The following ZBBX variants were observed in gnomAD, a reference collection of about 807,000 sequenced individuals.
ZBBX encodes zinc finger B-box domain-containing protein 1.
A neutral mutation model predicts 108.5 loss-of-function variants in ZBBX; 101 were observed. The ratio of observed to expected loss-of-function variants is 0.93; its 90% CI spans 0.79 to 1.10. The LOEUF (loss-of-function observed/expected upper bound fraction) is 1.10, where lower values mean the gene tolerates loss of function less well. Among genes scored for constraint, ZBBX ranks in the 50% least tolerant of loss-of-function variants. The probability of loss-of-function intolerance (pLI) is 0.00; values close to 1 mark genes in which losing one functional copy is unlikely to be tolerated. For synonymous variants in ZBBX, 356 were observed against 323.4 expected (o/e 1.10, Z -1.08); for missense variants, 1,009 against 941.4 (o/e 1.07, Z -0.94).
intron 20 of ZBBX, among the ~76,000 whole-genome samples, chr3:167,274,981 G>A (rs907760582): frequency 3.3e-5 from 5 of 152,108 alleles, no homozygotes; most frequent in South Asian, 4.1e-4. Context: ...ATTTATATTC[G>A]AGTGCTGTTT....
chr3:167,349,944 C>A (rs575703921), intron 9 of ZBBX, among the ~76,000 whole-genome samples: 73 of 151,838 alleles, frequency 4.8e-4, no homozygotes, highest in Non-Finnish European at 9.4e-4. Context: ...TAAGGATAAA[C>A]AAAAGGTCCT....
intron 4 of ZBBX, among the ~76,000 whole-genome samples, chr3:167,371,937 G>T (rs1036472689): frequency 1.3e-5 from 2 of 152,148 alleles, no homozygotes; most frequent in East Asian, 3.9e-4. Flanking sequence ...GTCTGGGCTG[G>T]GTGCACTGGC....
At chr3:167,320,034 GTGTGTA>G (rs1177858280) in intron 12 of ZBBX, among the ~76,000 whole-genome samples, 1 of 151,772 alleles carries the variant, frequency 6.6e-6, no homozygotes, top group African/African-American at 2.4e-5. Context: ...ACGTGTGTGT[GTGTGTA>G]CTTCCCAGTT....
At chr3:167,190,689 A>G in the ZBBX span, among the ~76,000 whole-genome samples, 1 of 152,070 alleles carries the variant, frequency 6.6e-6, no homozygotes, top group Non-Finnish European at 1.5e-5. Context: ...CCATGTTTTT[A>G]TCACTAGAGA....
chr3:167,381,295 G>C (rs1360009324), upstream of ZBBX: 1 of 152,176 alleles, frequency 6.6e-6, no homozygotes, highest in Non-Finnish European at 1.5e-5. Flanking sequence ...GCAGATTCAA[G>C]ATTGAGTGCC....
At chr3:167,342,893 A>G (rs1358461126) in intron 9 of ZBBX, among the ~76,000 whole-genome samples, 1 of 151,658 alleles carries the variant, frequency 6.6e-6, no homozygotes, top group Non-Finnish European at 1.5e-5. Flanking sequence ...GGGTATATGT[A>G]CATGTCCAAA....
At chr3:167,356,375 T>C (rs115603644) in intron 8 of ZBBX, among the ~76,000 whole-genome samples, 5,308 of 152,154 alleles carry the variant, frequency 0.035, 315 homozygotes, top group African/African-American at 0.12. Context: ...TTATTAGCTC[T>C]TTATTAGATG....
At chr3:167,259,951 G>T (rs1460419412) in intron 20 of ZBBX, among the ~76,000 whole-genome samples, 1 of 152,082 alleles carries the variant, frequency 6.6e-6, no homozygotes, top group Non-Finnish European at 1.5e-5. Flanking sequence ...CTTTAAACAG[G>T]TTCTGTTTTG....
chr3:167,262,891 T>A (rs1461384733), intron 20 of ZBBX, among the ~76,000 whole-genome samples: 1 of 152,178 alleles, frequency 6.6e-6, no homozygotes, highest in African/African-American at 2.4e-5. Context: ...TCAATTTTCT[T>A]TATCTTTTCA....
At chr3:167,348,295 GAAGAAAGAGAGAAAGAAAGAGA>G (rs1741893166) in intron 9 of ZBBX, among the ~76,000 whole-genome samples, 2 of 102,700 alleles carry the variant, frequency 1.9e-5, no homozygotes, top group Non-Finnish European at 3.9e-5. Context: ...AGGAAGGAAA[GAAGAAAGAGAGAAAGAAAGAGA>G]AAGAAAGAAA....
chr3:167,300,915 CTTTTT>C (rs59563822), intron 17 of ZBBX, among the ~76,000 whole-genome samples: 1 of 136,556 alleles, frequency 7.3e-6, no homozygotes. Flanking sequence ...TGTGCCTGGC[CTTTTT>C]TTTTTTTTTT....
At chr3:167,353,991 T>C (rs2108510869) in intron 8 of ZBBX, among the ~76,000 whole-genome samples, 1 of 152,124 alleles carries the variant, frequency 6.6e-6, no homozygotes, top group South Asian at 2.1e-4. Context: ...AAACCCATCA[T>C]AAATTGAAAA....
intron 16 of ZBBX, 32 bp from the exon 17 acceptor site, chr3:167,305,982 T>C: frequency 7.1e-7 from 1 of 1,417,186 alleles, no homozygotes. Flanking sequence ...AAAAGGTACA[T>C]AAATAAATTT....
At position 167,299,215 on chromosome 3, in the gene ZBBX, G is replaced by A. The variant is rs949710644; in HGVS notation, c.1726-757C>T. On this transcript the variant is annotated intron_variant, in intron 17 of 21. Transcript: ENST00000675490. ...GTAGCTATCAGTTTTTAATAATTCC[G>A]TAATGAATCTAACTAATGCCCAAAT... 2.2e-4 allele frequency among the ~76,000 whole-genome samples: 34 copies of A among 151,966 alleles called. 1 individual carries two copies. Among genetic ancestry groups the A allele is most frequent in the African/African-American group, 1.9e-4 (8 of 41,410 alleles).
At chr3:167,218,036 C>T in the ZBBX span, among the ~76,000 whole-genome samples, 4 of 152,026 alleles carry the variant, frequency 2.6e-5, no homozygotes, top group Non-Finnish European at 5.9e-5. Flanking sequence ...AGCCACCACA[C>T]CCGGCCCCTT....
At chr3:167,328,765 C>A (rs1412373942) in intron 10 of ZBBX, among the ~76,000 whole-genome samples, 1 of 152,178 alleles carries the variant, frequency 6.6e-6, no homozygotes, top group Non-Finnish European at 1.5e-5. Flanking sequence ...CATATCTTTA[C>A]ATAGCCATTC....
intron 6 of ZBBX, among the ~76,000 whole-genome samples, chr3:167,363,885 T>C (rs1185763812): frequency 6.6e-6 from 1 of 152,094 alleles, no homozygotes. Context: ...TATCCAGAAA[T>C]AGACATTTTA....
At chr3:167,300,775 G>A (rs1279529116) in intron 17 of ZBBX, among the ~76,000 whole-genome samples, 4 of 151,682 alleles carry the variant, frequency 2.6e-5, no homozygotes, top group Admixed American at 6.6e-5. Context: ...CTGCCACCAC[G>A]CCCAGCTAAT....
chr3:167,346,225 T>C (rs62279779), intron 9 of ZBBX, among the ~76,000 whole-genome samples: 55,530 of 151,414 alleles, frequency 0.37, 10,493 homozygotes, highest in East Asian at 0.67. Flanking sequence ...TTGCCTCTCA[T>C]GCATTTATGC....
Sources: gnomAD v4.1 joint callset for allele counts (sites outside exome capture counted in the v4.1 genomes callset) on GRCh38, gnomAD v4.1.1 for gene constraint, MANE v1.5 for transcripts, NCBI Gene and HGNC (gene_info 2026-07-23, HGNC 2026-07-21) for gene names.